The following TAPBP variants were observed in gnomAD, a reference collection of about 807,000 sequenced individuals.
TAPBP encodes the protein TAP binding protein, also known as tapasin.
A neutral mutation model predicts 45.7 loss-of-function variants in TAPBP; 38 were observed. The observed-to-expected ratio is 0.83, with a 90% confidence interval of 0.64 to 1.09. The LOEUF is 1.09. Among genes scored for constraint, TAPBP ranks in the 50% least tolerant of loss-of-function variants. The pLI is 0.00. For synonymous variants in TAPBP, 226 were observed against 254.8 expected, an observed-to-expected ratio of 0.89 and a Z score of 1.08; for missense variants, 513 against 587.3, an observed-to-expected ratio of 0.87 and a Z score of 1.31.
chr6:33,303,251 T>C (rs1289009407), intron 7 of TAPBP, among the ~76,000 whole-genome samples: 1 of 152,042 alleles, frequency 6.6e-6, no homozygotes, highest in Non-Finnish European at 1.5e-5. Flanking sequence ...AAACCCCGTC[T>C]CTACTAAAAA....
chr6:33,313,306 C>A lies in TAPBP; in HGVS notation c.380G>T (p.Ser127Ile), dbSNP rs199717223. Residue 127 changes from serine (S) to isoleucine (I), a missense_variant, in exon 3 of 8, where the codon AGC becomes ATC. Physicochemically the swap from Ser to Ile is moderately radical, Grantham distance 142. Transcript: ENST00000434618. The surrounding 1 kb of genome is among the most constrained non-coding windows in gnomAD (Gnocchi z 7.2). ...GAGGCTGAGGACTGGGCTGGATATG[C>A]TGACCATCAGCCAAGCCCCATCCAG... ...RALDGAWLMV[S>I]ISSPVLSLSS... 1 of 1,613,616 alleles carries A rather than the reference C, an allele frequency of 6.2e-7. No homozygotes were observed. Among genetic ancestry groups the A allele is most frequent in the East Asian group, 2.2e-5 (1 of 44,872 alleles).
intron 3 of TAPBP, among the ~76,000 whole-genome samples, chr6:33,307,394 CTTTTTTTTTTTTTTTT>C (rs9280398): frequency 2.3e-5 from 2 of 88,740 alleles, no homozygotes; most frequent in Non-Finnish European, 4.2e-5. Flanking sequence ...AGCCCTGCTT[CTTTTTTTTTTTTTTTT>C]TTTTTTTTTT....
In TAPBP at chr6:33,314,057, T is replaced by A. The variant is rs763093851; in HGVS notation, c.-16A>T. 2.5e-6 allele frequency: 4 copies of A among 1,613,726 alleles called. No individual in the cohort carries two copies. The Admixed American group carries it at 6.7e-5, about 27-fold the overall frequency. On this transcript the variant is annotated 5_prime_UTR_variant, in exon 1 of 8. Transcript: ENST00000434618. ...GGGACTTCATGGCGCTGCGACCTCC[T>A]CAGCCATGAAGCCTCCTCTTCCTCC...
rs369700777 is a variant in TAPBP at position 33,313,119 on chromosome 6, T to C, written c.469+98A>G. On this transcript the variant is annotated intron_variant, in intron 3 of 7. Transcript: ENST00000434618. This position sits in a 1 kb window ranked among gnomAD's most constrained non-coding sequence, Gnocchi z 7.2. ...ACAAAAAAAGGAAACTGAACCCCGA[T>C]TGGCGAAATGTCTTGCTCAAGTCCA... The C allele has an allele frequency of 6.7e-5, 95 of 1,415,612 alleles. 3 individuals are homozygous for C. The highest frequency in any genetic ancestry group is 2.5e-4 in the East Asian group (11 of 43,176). 87.7% of individuals were successfully genotyped at this position (1,415,612 alleles called of 1,614,324 possible).
At chr6:33,310,625 TG>T (rs1769283097) in intron 3 of TAPBP, among the ~76,000 whole-genome samples, 1 of 151,284 alleles carries the variant, frequency 6.6e-6, no homozygotes, top group African/African-American at 2.4e-5. Context: ...AAGACCAGCC[TG>T]GGCAACCTGA....
At chr6:33,308,907 T>C (rs1769150905) in intron 3 of TAPBP, among the ~76,000 whole-genome samples, 1 of 152,190 alleles carries the variant, frequency 6.6e-6, no homozygotes, top group African/African-American at 2.4e-5. Context: ...CAGAAATGTC[T>C]AGGTCCTTCA....
rs752453845 is a variant in TAPBP at position 33,308,319 on chromosome 6, CAA to C, written c.470-2934_470-2933del. Among the ~76,000 whole-genome samples the C allele has an allele frequency of 2.1e-4, 32 of 152,164 alleles. No individual in the cohort carries two copies. The Middle Eastern group carries it at 0.027, about 129-fold the overall frequency. On this transcript the variant is annotated intron_variant, in intron 3 of 7. Coordinates refer to ENST00000434618, the MANE Select transcript of TAPBP (RefSeq NM_003190.5). ...CCCCATTGCACTCCAGCATGGGTGA[CAA>C]GAGTGAAACTCCGTCTCAAAAAATA...
At chr6:33,303,621 T>C in intron 7 of TAPBP, 8 of 937,844 alleles carry the variant, frequency 8.5e-6, no homozygotes, top group Non-Finnish European at 1.1e-5. Flanking sequence ...TTAAATAAGG[T>C]ATATTATTAA....
At chr6:33,308,295 C>T (rs898646942) in intron 3 of TAPBP, 7 of 151,998 alleles carry the variant, frequency 4.6e-5, no homozygotes, top group Non-Finnish European at 7.4e-5. Flanking sequence ...CCAAGATCAC[C>T]CCATTGCACT....
chr6:33,308,408 G>T (rs1769117779), intron 3 of TAPBP, among the ~76,000 whole-genome samples: 1 of 152,036 alleles, frequency 6.6e-6, no homozygotes, highest in African/African-American at 2.4e-5. Context: ...AACTTCTGAT[G>T]GTTCGCTCTC....
intron 3 of TAPBP, among the ~76,000 whole-genome samples, chr6:33,311,293 G>C (rs2150970871): frequency 6.6e-6 from 1 of 152,294 alleles, no homozygotes; most frequent in Non-Finnish European, 1.5e-5. Context: ...CTGCACTCTA[G>C]CCTGGGCAAT....
intron 7 of TAPBP, among the ~76,000 whole-genome samples, chr6:33,302,463 TACAGGTGTGCACC>T (rs1440334073): frequency 6.6e-6 from 1 of 151,682 alleles, no homozygotes; most frequent in African/African-American, 2.4e-5. Context: ...TAGCTGAGAT[TACAGGTGTGCACC>T]ACCATGCCCG....
intron 4 of TAPBP, 79 bp from the exon 5 acceptor site, chr6:33,304,717 G>A (rs1768843059): frequency 2.1e-6 from 3 of 1,454,434 alleles, no homozygotes; most frequent in South Asian, 1.4e-5. Context: ...TTGCCTGCTG[G>A]CTTCCTCAGA....
rs564944240 is a variant in TAPBP at position 33,300,315 on chromosome 6, C to T, written c.*1445G>A. On this transcript the variant is annotated 3_prime_UTR_variant, in exon 8 of 8. Transcript: ENST00000434618. The stretch of plus-strand genomic sequence containing the variant: ...ACCTCGGCCCTACAGATCTCTGAGA[C>T]TATGTCAGGGGGTTTGTGAGATTTT... 1.2e-4 allele frequency: 18 copies of T among 153,852 alleles called. No homozygotes were observed. Among genetic ancestry groups the T allele is most frequent in the African/African-American group, 3.6e-4 (15 of 41,562 alleles). The allele number at this position is 153,852 out of a possible 1,614,324, so 9.5% of individuals were successfully genotyped here.
Position 33,313,488 on chromosome 6 carries a change from A to G in TAPBP, c.209-11T>C. ...GGGCGCCCGCGGGGTCTGAGTGTAG[A>G]GAAGGAAGTTGCAGCTGTAGAGTCA... On this transcript the variant is annotated splice_polypyrimidine_tract_variant and intron_variant, in intron 2 of 7. Transcript: ENST00000434618. The surrounding 1 kb of genome is among the most constrained non-coding windows in gnomAD (Gnocchi z 7.2). 6.5e-7 allele frequency: 1 copy of G among 1,549,618 alleles called. No homozygotes were observed. Among genetic ancestry groups the G allele is most frequent in the Non-Finnish European group, 8.7e-7 (1 of 1,145,840 alleles).
Position 33,313,764 on chromosome 6 carries a change from C to G in TAPBP, c.138G>C (p.Leu46=). The G allele has an allele frequency of 6.2e-7, 1 of 1,613,736 alleles. No individual in the cohort carries two copies. Among genetic ancestry groups the G allele is most frequent in the African/African-American group, 1.3e-5 (1 of 75,026 alleles). Residue 46 remains leucine (L), a synonymous_variant, in exon 2 of 8, where the codon CTG becomes CTC. Coordinates refer to ENST00000434618, the MANE Select transcript of TAPBP (RefSeq NM_003190.5). This position sits in a 1 kb window ranked among gnomAD's most constrained non-coding sequence, Gnocchi z 7.2. ...KGLAKRPGAL[L]LRQGPGEPPP... ...GCGGTTCCCCCGGTCCCTGGCGCAA[C>G]AGCAGTGCACCGGGTCTCTTGGCCA...
intron 3 of TAPBP, among the ~76,000 whole-genome samples, chr6:33,309,214 C>T (rs542178153): frequency 5.3e-5 from 8 of 152,056 alleles, no homozygotes; most frequent in African/African-American, 1.7e-4. Context: ...GGAGAAACCC[C>T]GTCTCTACTA....
chr6:33,301,672 G>A lies in TAPBP; in HGVS notation c.*88C>T. On this transcript the variant is annotated 3_prime_UTR_variant, in exon 8 of 8. Transcript: ENST00000434618. ...TGGAGAGAGATTGGAGGGATTAGGA[G>A]CAGATGATAGGGTATTATTTTAGGG... 1 of 1,202,616 alleles carries A rather than the reference G, an allele frequency of 8.3e-7. No individual in the cohort carries two copies. Among genetic ancestry groups the A allele is most frequent in the Non-Finnish European group, 1.2e-6 (1 of 812,570 alleles). 74.5% of individuals were successfully genotyped at this position (1,202,616 alleles called of 1,614,324 possible).
chr6:33,302,386 G>A lies in TAPBP; in HGVS notation c.1336-615C>T, dbSNP rs147872729. 3.9e-3 allele frequency among the ~76,000 whole-genome samples: 595 copies of A among 152,016 alleles called. 5 individuals are homozygous for A. The highest frequency in any genetic ancestry group is 0.017 in the Middle Eastern group (5 of 292). On this transcript the variant is annotated intron_variant, in intron 7 of 7. Transcript: ENST00000434618. ...GTTGCCCAGGCTGGAGTGCAGTGGT[G>A]CGATCTCGGCTCACTGCAACCTCCA...
Sources: allele counts gnomAD v4.1 joint callset (sites outside exome capture counted in the v4.1 genomes callset), GRCh38; gene constraint gnomAD v4.1.1; non-coding constraint Gnocchi (gnomAD v3.1); transcripts MANE v1.5; gene names NCBI Gene and HGNC (gene_info 2026-07-23, HGNC 2026-07-21).